WDR25: variants seen among roughly 807,000 people sequenced by gnomAD.
WDR25 encodes the protein WD repeat domain 25.
A neutral mutation model predicts 47.7 loss-of-function variants in WDR25; 35 were observed. The observed-to-expected ratio is 0.73, with a 90% CI of 0.56 to 0.97. The LOEUF (loss-of-function observed/expected upper bound fraction) is 0.97, where lower values mean the gene tolerates loss of function less well. Ranked by LOEUF, WDR25 falls within the 50% of genes least tolerant of loss-of-function variation. The probability of loss-of-function intolerance (pLI) is 0.00; values close to 1 mark genes in which losing one functional copy is unlikely to be tolerated. For synonymous variants in WDR25, 248 were observed against 278.9 expected, an observed-to-expected ratio of 0.89 and a Z score of 1.10; for missense variants, 634 against 704.7, an observed-to-expected ratio of 0.90 and a Z score of 1.14.
chr14:100,388,689 T>C lies in WDR25; in HGVS notation c.822+6943T>C, dbSNP rs142383897. Among the ~76,000 whole-genome samples, 17 of 152,356 alleles carry C rather than the reference T, an allele frequency of 1.1e-4. No homozygotes were observed. The East Asian group carries it at 3.3e-3, about 29-fold the overall frequency. ...AGACATTTCCCAGTTCCAGTTGCCTTACAATCTTGTATCTTACAGAAAAAA... is the reference window on the plus strand; with the variant it reads ...AGACATTTCCCAGTTCCAGTTGCCTCACAATCTTGTATCTTACAGAAAAAA... On this transcript the variant is annotated intron_variant, in intron 2 of 6. Transcript: ENST00000402312.
rs563981517 is a variant in WDR25 at position 100,530,083 on chromosome 14, G to A, written c.*42G>A. The A allele has an allele frequency of 2.2e-5, 35 of 1,572,664 alleles. No individual in the cohort carries two copies. The South Asian group carries it at 3.8e-4, about 17-fold the overall frequency. On this transcript the variant is annotated 3_prime_UTR_variant, in exon 7 of 7. Transcript: ENST00000402312. ...CCTTCCCGATGCCAGCTGGGCTCTTGGACTCCCCTCTTCCTCAAGGGTAGA... is the reference window on the plus strand; with the variant it reads ...CCTTCCCGATGCCAGCTGGGCTCTTAGACTCCCCTCTTCCTCAAGGGTAGA...
At chr14:100,464,842 C>G (rs576319296) in intron 2 of WDR25, among the ~76,000 whole-genome samples, 3 of 148,066 alleles carry the variant, frequency 2.0e-5, no homozygotes, top group East Asian at 4.1e-4. Context: ...GCCATCTACT[C>G]TTTCCTACCC....
At chr14:100,517,735 T>A (rs910109410) in intron 4 of WDR25, among the ~76,000 whole-genome samples, 1 of 152,140 alleles carries the variant, frequency 6.6e-6, no homozygotes, top group Non-Finnish European at 1.5e-5. Context: ...TCCCAGCTGC[T>A]CCTGGGGCTG....
At chr14:100,446,913 T>C (rs1566913560) in intron 2 of WDR25, among the ~76,000 whole-genome samples, 1 of 152,214 alleles carries the variant, frequency 6.6e-6, no homozygotes, top group Non-Finnish European at 1.5e-5. Context: ...CTGAAAATTA[T>C]CGTCTGTGGC....
intron 2 of WDR25, among the ~76,000 whole-genome samples, chr14:100,459,894 G>GTATATATATATATATATA (rs61706956): frequency 7.7e-5 from 6 of 78,278 alleles, no homozygotes; most frequent in Non-Finnish European, 1.4e-4. Context: ...GTGTGTGTGT[G>GTATATATATATATATATA]TATATATATA....
chr14:100,497,646 T>C (rs1424677261), intron 4 of WDR25, among the ~76,000 whole-genome samples: 1 of 152,186 alleles, frequency 6.6e-6, no homozygotes, highest in Non-Finnish European at 1.5e-5. Flanking sequence ...TTGTCATCAG[T>C]GGAGAGGTGG....
chr14:100,452,156 C>T (rs1352679923), intron 2 of WDR25, among the ~76,000 whole-genome samples: 3 of 152,158 alleles, frequency 2.0e-5, no homozygotes, highest in Non-Finnish European at 2.9e-5. Flanking sequence ...TCATCCATTC[C>T]GTTCTGTTCC....
intron 2 of WDR25, among the ~76,000 whole-genome samples, chr14:100,459,515 C>A (rs956326788): frequency 2.0e-5 from 3 of 151,988 alleles, no homozygotes; most frequent in African/African-American, 7.3e-5. Context: ...AATCTTAACC[C>A]CCAGTGCCTC....
At chr14:100,391,615 A>G (rs1190592311) in intron 2 of WDR25, among the ~76,000 whole-genome samples, 2 of 151,624 alleles carry the variant, frequency 1.3e-5, no homozygotes, top group African/African-American at 2.4e-5. Context: ...CCCAGAGGCA[A>G]TGACTGCAGA....
chr14:100,448,625 C>T (rs148963174), intron 2 of WDR25, among the ~76,000 whole-genome samples: 5 of 152,234 alleles, frequency 3.3e-5, no homozygotes, highest in African/African-American at 7.2e-5. Context: ...CCGTCACCTG[C>T]GTAAACACCT....
At chr14:100,460,244 C>G (rs1039980975) in intron 2 of WDR25, among the ~76,000 whole-genome samples, 32 of 151,382 alleles carry the variant, frequency 2.1e-4, no homozygotes, top group African/African-American at 7.8e-4. Flanking sequence ...TCCTGAGTAA[C>G]TGGGACTACA....
intron 4 of WDR25, among the ~76,000 whole-genome samples, chr14:100,518,537 T>C (rs1901586121): frequency 6.6e-6 from 1 of 152,210 alleles, no homozygotes; most frequent in Non-Finnish European, 1.5e-5. Flanking sequence ...AACAGTTTAC[T>C]CAATATTTCC....
chr14:100,376,536 G>A (rs952358257), intron 1 of WDR25, 41 bp downstream of exon 1: 2 of 1,231,920 alleles, frequency 1.6e-6, no homozygotes, highest in Non-Finnish European at 2.0e-6. Context: ...GGAGGGGCCG[G>A]GACTGGGCAG....
chr14:100,425,619 TG>T lies in WDR25; in HGVS notation c.823-42397del, dbSNP rs1898146649. On this transcript the variant is annotated intron_variant, in intron 2 of 6. Transcript: ENST00000402312. This position sits in a 1 kb window ranked among gnomAD's most constrained non-coding sequence, Gnocchi z 4.8. ...AGGCAGCACCGTCGGACGCTGATGG[TG>T]GGGGCTGGGCCCTGTGCTGACACAG... Among the ~76,000 whole-genome samples the T allele has an allele frequency of 6.6e-6, 1 of 152,142 alleles. No individual in the cohort carries two copies. The highest frequency in any genetic ancestry group is 1.5e-5 in the Non-Finnish European group (1 of 68,038).
rs557544004 is a variant in WDR25 at position 100,502,034 on chromosome 14, A to G, written c.1101+17910A>G. On this transcript the variant is annotated intron_variant, in intron 4 of 6. Coordinates refer to ENST00000402312, the MANE Select transcript of WDR25 (RefSeq NM_001161476.3). This position sits in a 1 kb window ranked among gnomAD's most constrained non-coding sequence, Gnocchi z 4.5. Reference sequence around the variant, plus strand: ...CACCCTTTGGTGGATCCTATTCCCCATCCCTCCCCGGGTCCCGTGACCTGT... The same window carrying G: ...CACCCTTTGGTGGATCCTATTCCCCGTCCCTCCCCGGGTCCCGTGACCTGT... 1.0e-3 allele frequency among the ~76,000 whole-genome samples: 154 copies of G among 152,198 alleles called. No homozygotes were observed. Among genetic ancestry groups the G allele is most frequent in the African/African-American group, 3.4e-3 (143 of 41,536 alleles).
intron 4 of WDR25, among the ~76,000 whole-genome samples, chr14:100,516,599 T>C (rs2140372671): frequency 6.6e-6 from 1 of 152,346 alleles, no homozygotes; most frequent in East Asian, 1.9e-4. Context: ...GAATTGACAC[T>C]TGTACGTTTT....
chr14:100,527,322 C>T (rs1272104000), intron 5 of WDR25, among the ~76,000 whole-genome samples: 4 of 152,146 alleles, frequency 2.6e-5, no homozygotes, highest in Admixed American at 1.3e-4. Flanking sequence ...TCACCACCAC[C>T]ACCACCACTG....
chr14:100,410,900 A>G (rs1336303518), intron 2 of WDR25, among the ~76,000 whole-genome samples: 3 of 150,280 alleles, frequency 2.0e-5, no homozygotes, highest in African/African-American at 4.9e-5. Context: ...CTCCTACCTT[A>G]GCCTCCTGAG....
Position 100,525,065 on chromosome 14 carries a change from C to G in WDR25, c.1102-805C>G, listed in dbSNP as rs189189842. Among the ~76,000 whole-genome samples the G allele has an allele frequency of 2.6e-5, 4 of 152,152 alleles. No individual in the cohort carries two copies. In the South Asian group the frequency reaches 6.2e-4, roughly 24 times the overall value. ...TGGTAAAGGGACCGGCCGGCCCCTG[C>G]GACCAACTTGAGACCTTGCTGCGCT... On this transcript the variant is annotated intron_variant, in intron 4 of 6. Coordinates refer to ENST00000402312, the MANE Select transcript of WDR25 (RefSeq NM_001161476.3). The surrounding 1 kb of genome is among the most constrained non-coding windows in gnomAD (Gnocchi z 4.6).
Sources: allele counts gnomAD v4.1 joint callset (sites outside exome capture counted in the v4.1 genomes callset), GRCh38; gene constraint gnomAD v4.1.1; non-coding constraint Gnocchi (gnomAD v3.1); transcripts MANE v1.5; gene names NCBI Gene and HGNC (gene_info 2026-07-23, HGNC 2026-07-21).